The following PLAA variants were observed in gnomAD, a reference collection of about 807,000 sequenced individuals.
PLAA encodes phospholipase A2 activating protein, also known as phospholipase A-2-activating protein.
Under a neutral mutation model 84.1 loss-of-function variants are expected in PLAA, and 48 were observed. The observed-to-expected ratio is 0.57, with a 90% CI of 0.45 to 0.73. The LOEUF (loss-of-function observed/expected upper bound fraction) is 0.73. PLAA is among the 30% of genes least tolerant of loss of function. The pLI, the probability that PLAA is intolerant of heterozygous loss-of-function variation, is 0.00. For synonymous variants in PLAA, 392 were observed against 336.6 expected, an observed-to-expected ratio of 1.16 and a Z score of -1.80; for missense variants, 903 against 954.7, an observed-to-expected ratio of 0.95 and a Z score of 0.71.
chr9:26,905,807 T>C lies in PLAA; in HGVS notation c.2092A>G (p.Ile698Val). The change falls in exon 14 of 14, where the codon ATT (isoleucine) becomes GTT (valine). Residue 698 changes from isoleucine to valine, a missense_variant. Coordinates refer to ENST00000397292, the MANE Select transcript of PLAA (RefSeq NM_001031689.3). ...GCCAATGTAGCCAGAGCAATGTGAA[T>C]GTTCTTATTGCTCCCTGATTTCAGT... The part of the protein sequence containing the change: ...IELKSGSNKN[I>V]HIALATLALN... The C allele has an allele frequency of 3.7e-6, 6 of 1,614,208 alleles. No individual in the cohort carries two copies. The highest frequency in any genetic ancestry group is 5.1e-6 in the Non-Finnish European group (6 of 1,180,012).
intron 12 of PLAA, 83 bp downstream of exon 12, chr9:26,910,255 G>A: frequency 4.2e-6 from 4 of 941,476 alleles, no homozygotes; most frequent in Non-Finnish European, 5.2e-6. Context: ...CCCAATTCCT[G>A]ACACATGTTG....
At chr9:26,940,682 G>A (rs1214457582) in intron 1 of PLAA, among the ~76,000 whole-genome samples, 1 of 152,154 alleles carries the variant, frequency 6.6e-6, no homozygotes, top group Non-Finnish European at 1.5e-5. Flanking sequence ...AAAAAAACTG[G>A]AGGAAAAGAA....
Position 26,907,914 on chromosome 9 carries a change from G to C in PLAA, c.1742C>G (p.Ser581Cys), listed in dbSNP as rs1824285439. The part of the protein sequence containing the change: ...DDLILLEKIL[S>C]LICNSSSEKP... ...TTCTGAAGAACTATTACATATTAGA[G>C]ACAGTATCTTCTCAAGAAGTATCAA... The change falls in exon 13 of 14, where the codon TCT (serine) becomes TGT (cysteine). Residue 581 changes from serine to cysteine, a missense_variant. By Grantham distance (112) the Ser-to-Cys change is moderately radical. Coordinates refer to ENST00000397292, the MANE Select transcript of PLAA (RefSeq NM_001031689.3). 6.2e-7 allele frequency: 1 copy of C among 1,611,154 alleles called. No homozygotes were observed. Among genetic ancestry groups the C allele is most frequent in the South Asian group, 1.1e-5 (1 of 90,434 alleles).
intron 13 of PLAA, 115 bp from the exon 14 acceptor site, chr9:26,906,191 A>G: frequency 3.3e-6 from 2 of 608,784 alleles, no homozygotes; most frequent in Non-Finnish European, 2.6e-6. Flanking sequence ...AGAAAATGTG[A>G]AAAATCATGT....
At chr9:26,937,352 C>T (rs564921868) in intron 1 of PLAA, among the ~76,000 whole-genome samples, 1 of 152,234 alleles carries the variant, frequency 6.6e-6, no homozygotes, top group South Asian at 2.1e-4. Context: ...GAAACAAAGA[C>T]ACCCTTCAAC....
intron 2 of PLAA, among the ~76,000 whole-genome samples, chr9:26,932,128 G>T (rs1235600360): frequency 1.3e-5 from 2 of 152,066 alleles, no homozygotes; most frequent in African/African-American, 4.8e-5. Context: ...CAAAACAGAT[G>T]TGGACCTTAT....
chr9:26,930,026 T>C (rs1156457581), intron 2 of PLAA, among the ~76,000 whole-genome samples: 1 of 152,146 alleles, frequency 6.6e-6, no homozygotes, highest in Admixed American at 6.5e-5. Flanking sequence ...TTTTTTAAAA[T>C]TGATTTTTTT....
chr9:26,947,133 A>G lies in PLAA; in HGVS notation c.-88T>C. The G allele has an allele frequency of 2.9e-6, 4 of 1,380,924 alleles. No individual in the cohort carries two copies. Among genetic ancestry groups the G allele is most frequent in the Non-Finnish European group, 2.8e-6 (3 of 1,061,152 alleles). 85.5% of individuals were successfully genotyped at this position (1,380,924 alleles called of 1,614,324 possible). ...TCGGAGAGCGCCGGGCCGCGGCGGGAGAAGAGCCTGCAGGTAAGGGGCGGC... is the reference window on the plus strand; with the variant it reads ...TCGGAGAGCGCCGGGCCGCGGCGGGGGAAGAGCCTGCAGGTAAGGGGCGGC... On this transcript the variant is annotated 5_prime_UTR_variant, in exon 1 of 14. Coordinates refer to ENST00000397292, the MANE Select transcript of PLAA (RefSeq NM_001031689.3).
At chr9:26,918,865 C>T (rs927547434) in intron 9 of PLAA, among the ~76,000 whole-genome samples, 3 of 152,026 alleles carry the variant, frequency 2.0e-5, no homozygotes, top group Non-Finnish European at 4.4e-5. Flanking sequence ...ACGATGTATA[C>T]GATGTTACAA....
At chr9:26,927,335 C>A (rs1275056741) in intron 4 of PLAA, among the ~76,000 whole-genome samples, 1 of 151,924 alleles carries the variant, frequency 6.6e-6, no homozygotes, top group Non-Finnish European at 1.5e-5. Flanking sequence ...GTTGGCCAGG[C>A]TGATCTCGAA....
rs1824196705 is a variant in PLAA at position 26,905,389 on chromosome 9, C to T, written c.*122G>A. Reference sequence around the variant, plus strand: ...TCTGTTTCCCCTCCCCACCACTTTACAAGATGTAAAATTTTACTTAATCCA... The same window carrying T: ...TCTGTTTCCCCTCCCCACCACTTTATAAGATGTAAAATTTTACTTAATCCA... On this transcript the variant is annotated 3_prime_UTR_variant, in exon 14 of 14. Coordinates refer to ENST00000397292, the MANE Select transcript of PLAA (RefSeq NM_001031689.3). 2.6e-6 allele frequency: 2 copies of T among 763,220 alleles called. No individual in the cohort carries two copies. The highest frequency in any genetic ancestry group is 1.9e-5 in the South Asian group (1 of 51,778). The allele number at this position is 763,220 out of a possible 1,614,324, so 47.3% of individuals were successfully genotyped here.
intron 9 of PLAA, among the ~76,000 whole-genome samples, chr9:26,918,295 T>A (rs1039207984): frequency 6.9e-4 from 103 of 149,044 alleles, no homozygotes; most frequent in Non-Finnish European, 1.0e-3. Context: ...TGTATTTTTT[T>A]TTTTTTTTTT....
intron 1 of PLAA, among the ~76,000 whole-genome samples, chr9:26,944,256 T>G (rs929043028): frequency 6.6e-6 from 1 of 152,198 alleles, no homozygotes; most frequent in African/African-American, 2.4e-5. Context: ...GATACCTTGA[T>G]AATGGACTTC....
At chr9:26,939,767 A>G (rs1825472926) in intron 1 of PLAA, among the ~76,000 whole-genome samples, 1 of 152,094 alleles carries the variant, frequency 6.6e-6, no homozygotes, top group Non-Finnish European at 1.5e-5. Context: ...ACATTAGACA[A>G]AATTGACCTT....
At chr9:26,922,795 T>C (rs1303036485) in intron 7 of PLAA, among the ~76,000 whole-genome samples, 1 of 151,812 alleles carries the variant, frequency 6.6e-6, no homozygotes, top group Non-Finnish European at 1.5e-5. Context: ...GCCTCCTGAG[T>C]AGCTGGGACT....
chr9:26,930,767 G>C (rs752740678), intron 2 of PLAA, among the ~76,000 whole-genome samples: 1 of 151,350 alleles, frequency 6.6e-6, no homozygotes, highest in Non-Finnish European at 1.5e-5. Context: ...GTATTTAGTA[G>C]AGACAGGGTT....
Position 26,928,344 on chromosome 9 carries a change from T to C in PLAA, c.408A>G (p.Lys136=), listed in dbSNP as rs780498801. The change falls in exon 3 of 14, where the codon AAA becomes AAG. Residue 136 remains lysine (K), a synonymous_variant. Transcript: ENST00000397292. ...TCATGCACTTGTCATTCAGCCAGAC[T>C]TTAGCAGTGGTGTCCCATGAACCAC... The part of the protein sequence containing the change: ...LLSGSWDTTA[K]VWLNDKCMMT... 2 of 1,614,204 alleles carry C rather than the reference T, an allele frequency of 1.2e-6. No homozygotes were observed. Among genetic ancestry groups the C allele is most frequent in the South Asian group, 2.2e-5 (2 of 91,088 alleles).
At chr9:26,921,362 C>T (rs1243801978) in intron 7 of PLAA, among the ~76,000 whole-genome samples, 1 of 152,196 alleles carries the variant, frequency 6.6e-6, no homozygotes, top group East Asian at 1.9e-4. Context: ...ATTATCTAGT[C>T]CCCTTGCATT....
At chr9:26,916,392 C>T in intron 10 of PLAA, 2 of 987,020 alleles carry the variant, frequency 2.0e-6, no homozygotes, top group Non-Finnish European at 2.4e-6. Context: ...TAAAGTCCAA[C>T]TCTGGCACTT....
Sources: gnomAD v4.1 joint callset for allele counts (sites outside exome capture counted in the v4.1 genomes callset) on GRCh38, gnomAD v4.1.1 for gene constraint, MANE v1.5 for transcripts, NCBI Gene and HGNC (gene_info 2026-07-23, HGNC 2026-07-21) for gene names.